Variants in BRINP3 observed in about 807,000 individuals in gnomAD.
BRINP3 encodes the protein BMP/retinoic acid inducible neural specific 3.
BRINP3 carries 19 observed loss-of-function variants against 71.0 expected under a neutral mutation model. That is an observed-to-expected ratio of 0.27 (90% CI 0.19 to 0.39). BRINP3 has a LOEUF of 0.39. BRINP3 is among the 10% of genes least tolerant of loss of function. The probability of loss-of-function intolerance (pLI) is 1.00; values close to 1 mark genes in which losing one functional copy is unlikely to be tolerated. For synonymous variants in BRINP3, 380 were observed against 337.7 expected, an observed-to-expected ratio of 1.13 and a Z score of -1.37; for missense variants, 959 against 940.8, an observed-to-expected ratio of 1.02 and a Z score of -0.25.
chr1:190,171,795 G>A (rs978177553), intron 6 of BRINP3, among the ~76,000 whole-genome samples: 4 of 152,098 alleles, frequency 2.6e-5, no homozygotes, highest in African/African-American at 9.7e-5. Context: ...ACATTCAGCT[G>A]TAATCTGATT....
intron 7 of BRINP3, among the ~76,000 whole-genome samples, chr1:190,132,074 T>C (rs1205527603): frequency 1.3e-5 from 2 of 152,062 alleles, no homozygotes; most frequent in African/African-American, 4.8e-5. Flanking sequence ...TAATATTCTT[T>C]AGTATAAAAT....
intron 6 of BRINP3, among the ~76,000 whole-genome samples, chr1:190,212,375 G>C (rs1388606489): frequency 6.6e-6 from 1 of 152,010 alleles, no homozygotes; most frequent in African/African-American, 2.4e-5. Context: ...CAGCTATTTA[G>C]TTTGGAAAAA....
intron 2 of BRINP3, among the ~76,000 whole-genome samples, chr1:190,356,428 AGAAAGGTAGAT>A (rs1237583896): frequency 6.6e-6 from 1 of 152,022 alleles, no homozygotes; most frequent in Non-Finnish European, 1.5e-5. Flanking sequence ...AGAAGGTATT[AGAAAGGTAGAT>A]GAACAGCAGT....
intron 5 of BRINP3, among the ~76,000 whole-genome samples, chr1:190,228,559 A>G (rs1040254894): frequency 1.3e-5 from 2 of 151,890 alleles, no homozygotes; most frequent in African/African-American, 4.8e-5. Context: ...TAGAAACACA[A>G]ATACTCCTGC....
intron 6 of BRINP3, among the ~76,000 whole-genome samples, chr1:190,208,873 G>A (rs865800994): frequency 5.9e-5 from 9 of 152,054 alleles, no homozygotes; most frequent in African/African-American, 1.9e-4. Context: ...CTTAACATGT[G>A]TTAGCCCTAG....
At chr1:190,272,948 T>C (rs989404657) in intron 3 of BRINP3, among the ~76,000 whole-genome samples, 9 of 151,534 alleles carry the variant, frequency 5.9e-5, no homozygotes, top group African/African-American at 2.2e-4. Context: ...TGCCTTGTGC[T>C]AACCTTCAAC....
intron 2 of BRINP3, among the ~76,000 whole-genome samples, chr1:190,310,667 T>C (rs1665453431): frequency 1.3e-5 from 2 of 151,722 alleles, no homozygotes; most frequent in Admixed American, 6.6e-5. Context: ...TGTTACTGTT[T>C]ACTCAATCTC....
At position 190,426,186 on chromosome 1, in the gene BRINP3, T is replaced by C. The variant is rs78814229; in HGVS notation, c.236+28469A>G. On this transcript the variant is annotated intron_variant, in intron 2 of 7. Coordinates refer to ENST00000367462, the MANE Select transcript of BRINP3 (RefSeq NM_199051.3). The stretch of plus-strand genomic sequence containing the variant: ...GCAGAGTATAATTTCGAGGATTGTT[T>C]CTAAGTGAAGAAGTAAAATTTTCCC... 2.8e-3 allele frequency among the ~76,000 whole-genome samples: 429 copies of C among 151,896 alleles called. 2 individuals carry two copies. The highest frequency in any genetic ancestry group is 9.8e-3 in the African/African-American group (407 of 41,530).
intron 7 of BRINP3, among the ~76,000 whole-genome samples, chr1:190,149,396 C>T (rs1197828324): frequency 6.6e-6 from 1 of 152,112 alleles, no homozygotes; most frequent in African/African-American, 2.4e-5. Context: ...AAATATCTCT[C>T]CATATTATTG....
chr1:190,101,450 C>T (rs1473089891), intron 7 of BRINP3, among the ~76,000 whole-genome samples: 1 of 152,136 alleles, frequency 6.6e-6, no homozygotes, highest in African/African-American at 2.4e-5. Context: ...TTCAGTCTTA[C>T]AATGCAGATG....
intron 1 of BRINP3, among the ~76,000 whole-genome samples, chr1:190,470,450 C>A (rs542678321): frequency 1.3e-5 from 2 of 151,018 alleles, no homozygotes; most frequent in African/African-American, 4.8e-5. Flanking sequence ...ACTTTATTAG[C>A]TATTAAAAGG....
chr1:190,471,287 C>T (rs1426046096), intron 1 of BRINP3, among the ~76,000 whole-genome samples: 1 of 151,110 alleles, frequency 6.6e-6, no homozygotes, highest in Non-Finnish European at 1.5e-5. Context: ...AAATTTTATA[C>T]TCAGAGGCTC....
Position 190,205,982 on chromosome 1 carries a change from G to A in BRINP3, c.961+20100C>T, listed in dbSNP as rs372090260. ...CAAATTACAATTAGATAATCACCTC[G>A]TGCAGAACAAGAGACTGGGGAATGT... On this transcript the variant is annotated intron_variant, in intron 6 of 7. Coordinates refer to ENST00000367462, the MANE Select transcript of BRINP3 (RefSeq NM_199051.3). Among the ~76,000 whole-genome samples, 15 of 151,806 alleles carry A rather than the reference G, an allele frequency of 9.9e-5. No individual in the cohort carries two copies. The South Asian group carries it at 2.7e-3, about 27-fold the overall frequency.
chr1:190,433,065 C>T (rs796881160), intron 2 of BRINP3, among the ~76,000 whole-genome samples: 51 of 152,272 alleles, frequency 3.3e-4, no homozygotes, highest in Admixed American at 1.4e-3. Context: ...TTATCATTAA[C>T]GAACTGAGTA....
chr1:190,284,090 C>G (rs1304323235), intron 2 of BRINP3, among the ~76,000 whole-genome samples: 1 of 151,930 alleles, frequency 6.6e-6, no homozygotes, highest in Non-Finnish European at 1.5e-5. Context: ...ATTTTCGATA[C>G]ATGACTGAGA....
At chr1:190,201,228 T>C (rs1654976610) in intron 6 of BRINP3, among the ~76,000 whole-genome samples, 1 of 152,128 alleles carries the variant, frequency 6.6e-6, no homozygotes, top group African/African-American at 2.4e-5. Flanking sequence ...AAGGCAGGTT[T>C]TGTTATGTTT....
Position 190,098,614 on chromosome 1 carries a change from A to G in BRINP3, c.1705T>C (p.Leu569=), listed in dbSNP as rs756490464. The G allele has an allele frequency of 3.7e-6, 6 of 1,614,180 alleles. No homozygotes were observed. Among genetic ancestry groups the G allele is most frequent in the Admixed American group, 1.7e-5 (1 of 60,028 alleles). Residue 569 remains leucine, a synonymous_variant, in exon 8 of 8, where the codon TTG becomes CTG. Coordinates refer to ENST00000367462, the MANE Select transcript of BRINP3 (RefSeq NM_199051.3). ...LTKNSTLEPV[L]AVYVNPFGGS... ...CCGAAGGGATTGACATAAACAGCCA[A>G]CACTGGCTCCAAGGTGCTGTTTTTA... is the stretch of plus-strand genomic sequence containing the variant.
At chr1:190,395,423 T>A (rs1671506831) in intron 2 of BRINP3, among the ~76,000 whole-genome samples, 1 of 151,766 alleles carries the variant, frequency 6.6e-6, no homozygotes, top group African/African-American at 2.4e-5. Context: ...GCAATTCAAT[T>A]ATTTATTAAA....
At chr1:190,424,956 G>C (rs1232392827) in intron 2 of BRINP3, among the ~76,000 whole-genome samples, 2 of 151,412 alleles carry the variant, frequency 1.3e-5, no homozygotes, top group African/African-American at 2.4e-5. Flanking sequence ...AAAGAAAACA[G>C]GATCCAATTA....
Sources: allele counts gnomAD v4.1 joint callset (sites outside exome capture counted in the v4.1 genomes callset), GRCh38; gene constraint gnomAD v4.1.1; transcripts MANE v1.5; gene names NCBI Gene and HGNC (gene_info 2026-07-23, HGNC 2026-07-21).